Variants in RP1L1 observed in about 807,000 individuals in gnomAD.
The protein encoded by RP1L1 is RP1 like 1.
A neutral mutation model predicts 15.7 loss-of-function variants in RP1L1; 27 were observed. The ratio of observed to expected loss-of-function variants is 1.72; its 90% CI spans 1.27 to 2.38. The LOEUF (loss-of-function observed/expected upper bound fraction) is 2.38, where lower values mean the gene tolerates loss of function less well. Ranked by LOEUF, RP1L1 falls within the 30% of genes most tolerant of loss-of-function variation. RP1L1 has a pLI of 0.00. For synonymous variants in RP1L1, 1,813 were observed against 1,276.7 expected (o/e 1.42, Z -8.96); for missense variants, 4,798 against 3,075.9 (o/e 1.56, Z -13.24).
intron 1 of RP1L1, among the ~76,000 whole-genome samples, chr8:10,625,552 G>C (rs1036271535): frequency 6.6e-5 from 10 of 152,252 alleles, no homozygotes; most frequent in Admixed American, 4.6e-4. Context: ...TGAGGTGTGA[G>C]ATGCTCCATA....
intron 1 of RP1L1, among the ~76,000 whole-genome samples, chr8:10,646,978 C>A (rs940060188): frequency 6.6e-6 from 1 of 152,232 alleles, no homozygotes; most frequent in Admixed American, 6.5e-5. Flanking sequence ...GGAAGAAAGC[C>A]TCGCCCGAGG....
chr8:10,612,777 C>T lies in RP1L1; in HGVS notation c.1321G>A (p.Gly441Arg), dbSNP rs753157460. 22 of 1,609,826 alleles carry T rather than the reference C, an allele frequency of 1.4e-5. No individual in the cohort carries two copies. The highest frequency in any genetic ancestry group is 2.2e-5 in the South Asian group (2 of 91,080). The change falls in exon 4 of 4, where the codon GGG (glycine) becomes AGG (arginine). Residue 441 changes from glycine (G) to arginine (R), a missense_variant. Gly to Arg is a moderately radical substitution (Grantham distance 125, BLOSUM62 -2). Transcript: ENST00000382483. ...HVRCSGLWGH[G>R]TAGRERCSQD... ...CTGCATCTCTCCCTCCCGGCAGTCC[C>T]GTGGCCCCACAGGCCACTGCAGCGG... is the stretch of plus-strand genomic sequence containing the variant.
In RP1L1 at chr8:10,613,492, G is replaced by A. The variant is rs549401354; in HGVS notation, c.752-146C>T. The A allele has an allele frequency of 1.0e-3, 1,234 of 1,230,934 alleles. 13 individuals are homozygous for A. Among genetic ancestry groups the A allele is most frequent in the South Asian group, 8.1e-3 (601 of 74,084 alleles). 76.3% of individuals were successfully genotyped at this position (1,230,934 alleles called of 1,614,324 possible). On this transcript the variant is annotated intron_variant, in intron 3 of 3. Transcript: ENST00000382483. ...AAAATGCACGGTGACAGCTGTGCGC[G>A]GTGGCTCAGGCCTGTAATCCAAGCA...
rs796944081 is a variant in RP1L1, at chr8:10,627,816, G to GT, written c.-19-4597dup. On this transcript the variant is annotated intron_variant, in intron 1 of 3. Transcript: ENST00000382483. ...ACAACAGAACTCTCTGGCGCCCCAG[G>GT]TTCTGGGCAGTAAATTCAGATGGAG... Among the ~76,000 whole-genome samples, 12 of 152,240 alleles carry GT rather than the reference G, an allele frequency of 7.9e-5. No homozygotes were observed. The South Asian group carries it at 2.5e-3, about 32-fold the overall frequency.
chr8:10,614,661 C>CAAAAAA (rs772003815), intron 3 of RP1L1, among the ~76,000 whole-genome samples: 7 of 74,984 alleles, frequency 9.3e-5, no homozygotes, highest in Non-Finnish European at 1.5e-4. Flanking sequence ...ATTCTGTCGT[C>CAAAAAA]AAAAAAAAAA....
rs4841399 is a variant in RP1L1 at position 10,609,614 on chromosome 8, G to A, written c.4484C>T (p.Pro1495Leu). ...GCTCCTCTCTGCAGCCCCCTGGGTG[G>A]GTTGGGCCTGCGTGTGCTCTTGGCC... is the stretch of plus-strand genomic sequence containing the variant. ...MMGQEHTQAQ[P>L]TQGAAERSSS... Residue 1495 changes from proline to leucine, a missense_variant, in exon 4 of 4, where the codon CCC becomes CTC. Physicochemically the swap from Pro to Leu is moderately conservative, Grantham distance 98 (BLOSUM62 -3). Transcript: ENST00000382483. The A allele has an allele frequency of 1.2e-6, 2 of 1,606,992 alleles. No individual in the cohort carries two copies. Among genetic ancestry groups the A allele is most frequent in the Non-Finnish European group, 1.7e-6 (2 of 1,179,846 alleles).
chr8:10,647,266 G>T (rs1348481497), intron 1 of RP1L1, among the ~76,000 whole-genome samples: 1 of 152,210 alleles, frequency 6.6e-6, no homozygotes, highest in Non-Finnish European at 1.5e-5. Flanking sequence ...CTTCCCAGGG[G>T]ACATATCTGT....
At chr8:10,638,553 G>C (rs1585996112) in intron 1 of RP1L1, among the ~76,000 whole-genome samples, 1 of 152,062 alleles carries the variant, frequency 6.6e-6, no homozygotes, top group African/African-American at 2.4e-5. Flanking sequence ...AATGTAGCCT[G>C]GGCAACACAG....
rs1183986581 is a variant in RP1L1 at position 10,609,606 on chromosome 8, C to T, written c.4492G>A (p.Gly1498Arg). Reference protein sequence around the residue: ...QEHTQAQPTQGAAERSSSVAC... With the variant: ...QEHTQAQPTQRAAERSSSVAC... ...ACCGAAGAGCTCCTCTCTGCAGCCCCCTGGGTGGGTTGGGCCTGCGTGTGC... is the reference window on the plus strand; with the variant it reads ...ACCGAAGAGCTCCTCTCTGCAGCCCTCTGGGTGGGTTGGGCCTGCGTGTGC... The change falls in exon 4 of 4, where the codon GGG (glycine) becomes AGG (arginine). Residue 1498 changes from glycine to arginine, a missense_variant. Gly to Arg is a moderately radical substitution (Grantham distance 125, BLOSUM62 -2). Transcript: ENST00000382483. 2 of 1,607,194 alleles carry T rather than the reference C, an allele frequency of 1.2e-6. No individual in the cohort carries two copies. Among genetic ancestry groups the T allele is most frequent in the Non-Finnish European group, 8.5e-7 (1 of 1,179,824 alleles).
chr8:10,610,036 C>G lies in RP1L1; in HGVS notation c.4062G>C (p.Ala1354=). ...TEGEGQQEEE[A]QLEEIEETGG... is the part of the protein sequence containing the mutation. ...CTGTTTCTTCAATTTCCTCTAACTGCGCCTCTTCTTCTTGCTGTCCTTCTC... is the reference window on the plus strand; with the variant it reads ...CTGTTTCTTCAATTTCCTCTAACTGGGCCTCTTCTTCTTGCTGTCCTTCTC... The change falls in exon 4 of 4, where the codon GCG becomes GCC. Residue 1354 remains alanine, a synonymous_variant. Transcript: ENST00000382483. The G allele has an allele frequency of 7.4e-7, 1 of 1,354,638 alleles. No homozygotes were observed. The highest frequency in any genetic ancestry group is 9.6e-7 in the Non-Finnish European group (1 of 1,039,260). 83.9% of individuals were successfully genotyped at this position (1,354,638 alleles called of 1,614,324 possible). A position where few individuals can be genotyped will look rare whatever the true frequency, so the allele number is the denominator to read the frequency against.
Position 10,608,398 on chromosome 8 carries a change from C to G in RP1L1, c.5700G>C (p.Gln1900His). Residue 1900 changes from glutamine (Q) to histidine (H), a missense_variant, in exon 4 of 4, where the codon CAG becomes CAC. Coordinates refer to ENST00000382483, the MANE Select transcript of RP1L1 (RefSeq NM_178857.6). ...VETPEAEWEVQPESEGAEAPE... is the reference protein window; with the variant it reads ...VETPEAEWEVHPESEGAEAPE... ...GGGCTTCTGCACCTTCTGACTCTGG[C>G]TGGACCTCCCATTCTGCCTCTGGGG... 1 of 1,609,182 alleles carries G rather than the reference C, an allele frequency of 6.2e-7. No individual in the cohort carries two copies. Among genetic ancestry groups the G allele is most frequent in the African/African-American group, 1.3e-5 (1 of 74,642 alleles).
At chr8:10,645,108 C>T (rs1798457555) in intron 1 of RP1L1, among the ~76,000 whole-genome samples, 1 of 152,286 alleles carries the variant, frequency 6.6e-6, no homozygotes, top group South Asian at 2.1e-4. Context: ...AGGAGGGTCA[C>T]TTAAGGCCAG....
At chr8:10,641,670 C>T (rs922003782) in intron 1 of RP1L1, among the ~76,000 whole-genome samples, 2 of 152,080 alleles carry the variant, frequency 1.3e-5, no homozygotes, top group Admixed American at 1.3e-4. Flanking sequence ...GGACATTTAT[C>T]CAGAGAAATG....
At chr8:10,648,151 C>T (rs960975339) in intron 1 of RP1L1, among the ~76,000 whole-genome samples, 3 of 152,082 alleles carry the variant, frequency 2.0e-5, no homozygotes, top group Non-Finnish European at 4.4e-5. Flanking sequence ...CCTGCCTTGG[C>T]CTCCTGAGTA....
intron 1 of RP1L1, among the ~76,000 whole-genome samples, chr8:10,647,018 A>G (rs2117265328): frequency 6.6e-6 from 1 of 152,356 alleles, no homozygotes; most frequent in African/African-American, 2.4e-5. Flanking sequence ...GTGCCTGACC[A>G]GCAGAGATCC....
At position 10,607,961 on chromosome 8, in the gene RP1L1, C is replaced by A. The variant is rs1412589789; in HGVS notation, c.6137G>T (p.Gly2046Val). 4.3e-6 allele frequency: 7 copies of A among 1,610,000 alleles called. No homozygotes were observed. Among genetic ancestry groups the A allele is most frequent in the Non-Finnish European group, 5.9e-6 (7 of 1,178,976 alleles). ...EVEGETQKTE[G>V]DAQPESDGVE... is the part of the protein sequence containing the mutation. ...ACCGTCTGACTCTGGCTGGGCATCCCCTTCTGTCTTCTGGGTCTCCCCTTC... is the reference window on the plus strand; with the variant it reads ...ACCGTCTGACTCTGGCTGGGCATCCACTTCTGTCTTCTGGGTCTCCCCTTC... Residue 2046 changes from glycine to valine, a missense_variant, in exon 4 of 4, where the codon GGG becomes GTG. Coordinates refer to ENST00000382483, the MANE Select transcript of RP1L1 (RefSeq NM_178857.6).
intron 1 of RP1L1, among the ~76,000 whole-genome samples, chr8:10,630,056 G>C (rs750279090): frequency 2.0e-5 from 3 of 152,226 alleles, no homozygotes; most frequent in Non-Finnish European, 2.9e-5. Context: ...GGTGGTGAGG[G>C]GGTCTCCTTC....
intron 1 of RP1L1, among the ~76,000 whole-genome samples, chr8:10,647,032 AG>A (rs1798489657): frequency 6.6e-6 from 1 of 152,196 alleles, no homozygotes; most frequent in Non-Finnish European, 1.5e-5. Flanking sequence ...GAGATCCACG[AG>A]GGGCTATAAA....
intron 1 of RP1L1, among the ~76,000 whole-genome samples, chr8:10,647,164 C>G (rs1423679590): frequency 3.9e-5 from 6 of 152,206 alleles, no homozygotes; most frequent in Non-Finnish European, 8.8e-5. Flanking sequence ...CAGCTTCTAG[C>G]CCGTCCAGCC....
Sources: allele counts gnomAD v4.1 joint callset (sites outside exome capture counted in the v4.1 genomes callset), GRCh38; gene constraint gnomAD v4.1.1; transcripts MANE v1.5; gene names NCBI Gene and HGNC (gene_info 2026-07-23, HGNC 2026-07-21).